Variants in SULF2 observed in about 807,000 individuals in gnomAD.
SULF2 encodes the protein sulfatase 2.
A neutral mutation model predicts 107.7 loss-of-function variants in SULF2; 52 were observed. That is an observed-to-expected ratio of 0.48 (90% CI 0.39 to 0.61). The LOEUF (loss-of-function observed/expected upper bound fraction) is 0.61, where lower values mean the gene tolerates loss of function less well. Ranked by LOEUF, SULF2 falls within the 20% of genes least tolerant of loss-of-function variation. The probability of loss-of-function intolerance (pLI) is 0.00; values close to 1 mark genes in which losing one functional copy is unlikely to be tolerated. For synonymous variants in SULF2, 460 were observed against 464.3 expected, an observed-to-expected ratio of 0.99 and a Z score of 0.12; for missense variants, 993 against 1,177.3, an observed-to-expected ratio of 0.84 and a Z score of 2.29.
chr20:47,752,565 TAAA>T (rs11319849), intron 2 of SULF2, among the ~76,000 whole-genome samples: 2,785 of 132,102 alleles, frequency 0.021, 87 homozygotes, highest in African/African-American at 0.073. Flanking sequence ...AGCCCATCTC[TAAA>T]AAAAAAAAAA....
At chr20:47,692,899 G>A (rs940969044) in intron 4 of SULF2, among the ~76,000 whole-genome samples, 1 of 152,130 alleles carries the variant, frequency 6.6e-6, no homozygotes, top group Admixed American at 6.5e-5. Flanking sequence ...TATTTTTTGT[G>A]GGGGCAGAGG....
intron 3 of SULF2, among the ~76,000 whole-genome samples, chr20:47,724,912 T>C (rs989083129): frequency 6.6e-6 from 1 of 152,246 alleles, no homozygotes; most frequent in African/African-American, 2.4e-5. Flanking sequence ...AGGAAATTTA[T>C]AGGTAACAAA....
At chr20:47,714,034 G>A (rs1226337307) in intron 3 of SULF2, among the ~76,000 whole-genome samples, 1 of 152,176 alleles carries the variant, frequency 6.6e-6, no homozygotes, top group East Asian at 1.9e-4. Flanking sequence ...GCGGAGCCGA[G>A]CCAATGACAA....
intron 3 of SULF2, among the ~76,000 whole-genome samples, chr20:47,723,152 G>A (rs771887425): frequency 6.6e-6 from 1 of 152,096 alleles, no homozygotes; most frequent in Non-Finnish European, 1.5e-5. Flanking sequence ...GCAGAGGCAG[G>A]GGAATTGCTT....
At chr20:47,700,206 C>A (rs368040218) in intron 4 of SULF2, among the ~76,000 whole-genome samples, 1 of 152,156 alleles carries the variant, frequency 6.6e-6, no homozygotes, top group Admixed American at 6.5e-5. Context: ...ATCATCTAAG[C>A]CAGGGGTCAG....
Position 47,735,891 on chromosome 20 carries a change from C to T in SULF2, c.415+812G>A, listed in dbSNP as rs1317555155. Reference sequence around the variant, plus strand: ...CATCCTTCCCTTGCGGCACTCCCACCCAAACAAACCCCTTGTCACTTGGAT... The same window carrying T: ...CATCCTTCCCTTGCGGCACTCCCACTCAAACAAACCCCTTGTCACTTGGAT... On this transcript the variant is annotated intron_variant, in intron 3 of 20. Coordinates refer to ENST00000688720, the MANE Select transcript of SULF2 (RefSeq NM_001387048.1). Among the ~76,000 whole-genome samples the T allele has an allele frequency of 2.0e-5, 3 of 152,162 alleles. No homozygotes were observed. The East Asian group carries it at 5.8e-4, about 29-fold the overall frequency.
intron 1 of SULF2, among the ~76,000 whole-genome samples, chr20:47,769,304 T>C (rs918422274): frequency 6.6e-6 from 1 of 151,930 alleles, no homozygotes; most frequent in Non-Finnish European, 1.5e-5. Context: ...CTTCCCAAAG[T>C]GCTGGGACTA....
At chr20:47,689,179 G>C (rs2088113591) in intron 5 of SULF2, among the ~76,000 whole-genome samples, 1 of 152,152 alleles carries the variant, frequency 6.6e-6, no homozygotes, top group Non-Finnish European at 1.5e-5. Flanking sequence ...CTGTAAAATG[G>C]GAATACCAAG....
intron 1 of SULF2, among the ~76,000 whole-genome samples, chr20:47,767,972 T>C (rs1320992624): frequency 6.6e-6 from 1 of 151,732 alleles, no homozygotes; most frequent in African/African-American, 2.4e-5. Flanking sequence ...AAGTTCAAAT[T>C]AGGCTCCAGT....
At chr20:47,754,065 A>G (rs938674702) in intron 2 of SULF2, among the ~76,000 whole-genome samples, 15 of 152,324 alleles carry the variant, frequency 9.8e-5, no homozygotes, top group African/African-American at 3.1e-4. Context: ...ATTCCAAATG[A>G]CAGCTTAGGG....
At chr20:47,687,428 C>T (rs1001581948) in intron 5 of SULF2, among the ~76,000 whole-genome samples, 1 of 152,216 alleles carries the variant, frequency 6.6e-6, no homozygotes, top group Non-Finnish European at 1.5e-5. Context: ...GTGAAGAAGA[C>T]CATCCCCCTT....
At chr20:47,725,964 C>G (rs1468983424) in intron 3 of SULF2, among the ~76,000 whole-genome samples, 1 of 152,148 alleles carries the variant, frequency 6.6e-6, no homozygotes, top group Admixed American at 6.5e-5. Flanking sequence ...GCTCGGAGAA[C>G]AGGAACCTGT....
intron 3 of SULF2, among the ~76,000 whole-genome samples, chr20:47,732,215 A>G (rs961697956): frequency 6.6e-6 from 1 of 152,176 alleles, no homozygotes; most frequent in African/African-American, 2.4e-5. Context: ...AAATTTCCCA[A>G]GTGCCTACCA....
intron 2 of SULF2, among the ~76,000 whole-genome samples, chr20:47,753,861 C>T (rs954344565): frequency 2.6e-5 from 4 of 152,204 alleles, no homozygotes; most frequent in African/African-American, 9.6e-5. Flanking sequence ...GAACAAAGGA[C>T]GTCTGCAAAC....
At chr20:47,728,769 C>G (rs1354997534) in intron 3 of SULF2, among the ~76,000 whole-genome samples, 3 of 152,190 alleles carry the variant, frequency 2.0e-5, no homozygotes, top group Admixed American at 2.0e-4. Flanking sequence ...CCTCAGCCTC[C>G]CGAGTAGCTG....
chr20:47,682,823 T>A (rs1458674815), intron 7 of SULF2, among the ~76,000 whole-genome samples, 171 bp downstream of exon 7: 1 of 152,140 alleles, frequency 6.6e-6, no homozygotes, highest in Non-Finnish European at 1.5e-5. Context: ...CGGCCTCTCC[T>A]TCCCCAGCAG....
At chr20:47,722,692 G>T (rs2089326840) in intron 3 of SULF2, among the ~76,000 whole-genome samples, 1 of 152,142 alleles carries the variant, frequency 6.6e-6, no homozygotes, top group South Asian at 2.1e-4. Flanking sequence ...AGCACTTTGG[G>T]AGGCCGAGGC....
Position 47,740,664 on chromosome 20 carries a change from A to G in SULF2, c.176-3722T>C, listed in dbSNP as rs569133260. 1.3e-5 allele frequency among the ~76,000 whole-genome samples: 2 copies of G among 152,272 alleles called. 1 individual carries two copies. The highest frequency in any genetic ancestry group is 1.3e-4 in the Admixed American group (2 of 15,292). ...CTTAAAACAACAACAACAACAAACA[A>G]TTGCAGCCGATTTTTAAAAAGTAAA... On this transcript the variant is annotated intron_variant, in intron 2 of 20. Transcript: ENST00000688720.
At chr20:47,715,830 T>C (rs6125085) in intron 3 of SULF2, among the ~76,000 whole-genome samples, 49,310 of 152,042 alleles carry the variant, frequency 0.32, 8,267 homozygotes, top group East Asian at 0.42. Context: ...CCACCCGCCT[T>C]GGCCTCCCAA....
Sources: gnomAD v4.1 joint callset for allele counts (sites outside exome capture counted in the v4.1 genomes callset) on GRCh38, gnomAD v4.1.1 for gene constraint, MANE v1.5 for transcripts, NCBI Gene and HGNC (gene_info 2026-07-23, HGNC 2026-07-21) for gene names.